MED25: variants seen among roughly 807,000 people sequenced by gnomAD.
MED25 encodes the protein mediator complex subunit 25, also known as mediator of RNA polymerase II transcription subunit 25.
A neutral mutation model predicts 89.4 loss-of-function variants in MED25; 62 were observed. The ratio of observed to expected loss-of-function variants is 0.69; its 90% CI spans 0.57 to 0.86. The LOEUF (loss-of-function observed/expected upper bound fraction) is 0.86. MED25 is among the 40% of genes least tolerant of loss of function. MED25 has a pLI of 0.00. For synonymous variants in MED25, 449 were observed against 427.9 expected (o/e 1.05, Z -0.61); for missense variants, 905 against 1,005.2 (o/e 0.90, Z 1.35).
In MED25 at chr19:49,830,104, C is replaced by G. The variant is rs1042515250; in HGVS notation, c.705C>G (p.Ala235=). 1 of 1,608,118 alleles carries G rather than the reference C, an allele frequency of 6.2e-7. No homozygotes were observed. Among genetic ancestry groups the G allele is most frequent in the Non-Finnish European group, 8.5e-7 (1 of 1,178,358 alleles). ...GLVLPVGGGS[A]PGPLQSKQPV... ...TGCTCTCAGTTGGGGGTGGCTCAGC[C>G]CCAGGCCCCCTCCAGTCAAAGCAGC... Residue 235 remains alanine, a synonymous_variant, in exon 7 of 18, where the codon GCC becomes GCG. Transcript: ENST00000312865. The surrounding 1 kb of genome is among the most constrained non-coding windows in gnomAD (Gnocchi z 4.6).
chr19:49,823,071 C>G lies in MED25; in HGVS notation c.305+3775C>G, dbSNP rs890059325. 4.6e-5 allele frequency among the ~76,000 whole-genome samples: 7 copies of G among 152,216 alleles called. No individual in the cohort carries two copies. In the South Asian group the frequency reaches 1.4e-3, roughly 31 times the overall value. On this transcript the variant is annotated intron_variant, in intron 3 of 17. Coordinates refer to ENST00000312865, the MANE Select transcript of MED25 (RefSeq NM_030973.4). ...TCAAGTGATCCTCCCACCTCAGCCT[C>G]CTGAGTACCTAGGACTGCAGGTGGG...
intron 3 of MED25, among the ~76,000 whole-genome samples, chr19:49,820,847 TC>T (rs764668203): frequency 3.9e-5 from 6 of 152,364 alleles, no homozygotes; most frequent in South Asian, 2.1e-4. Flanking sequence ...TCCTGGCTCT[TC>T]CAGCACAGAA....
intron 3 of MED25, among the ~76,000 whole-genome samples, chr19:49,825,689 G>A (rs1322317364): frequency 6.6e-6 from 1 of 151,936 alleles, no homozygotes; most frequent in Non-Finnish European, 1.5e-5. Flanking sequence ...AAATTAGCTG[G>A]GCGTGGTGCC....
chr19:49,834,147 C>T lies in MED25; in HGVS notation c.1483-839C>T, dbSNP rs1337398125. On this transcript the variant is annotated intron_variant, in intron 13 of 17. Coordinates refer to ENST00000312865, the MANE Select transcript of MED25 (RefSeq NM_030973.4). The surrounding 1 kb of genome is among the most constrained non-coding windows in gnomAD (Gnocchi z 4.1). ...TCCAGAGCAGGCATTCCTTTCACCTCCTATCCCGGACCTAGGCCACTGGGC... is the reference window on the plus strand; with the variant it reads ...TCCAGAGCAGGCATTCCTTTCACCTTCTATCCCGGACCTAGGCCACTGGGC... 6.6e-6 allele frequency: 1 copy of T among 152,284 alleles called. No homozygotes were observed. Among genetic ancestry groups the T allele is most frequent in the African/African-American group, 2.4e-5 (1 of 41,456 alleles). The allele number at this position is 152,284 out of a possible 1,614,324, so 9.4% of individuals were successfully genotyped here. A position where few individuals can be genotyped will look rare whatever the true frequency, so the allele number is the denominator to read the frequency against.
chr19:49,834,728 C>G lies in MED25; in HGVS notation c.1483-258C>G. ...TGGGTCCATGAGGAGCAGGTGGTGGCTGAAGGTTGAAGAGCTGGGCTCCAG... is the reference window on the plus strand; with the variant it reads ...TGGGTCCATGAGGAGCAGGTGGTGGGTGAAGGTTGAAGAGCTGGGCTCCAG... On this transcript the variant is annotated intron_variant, in intron 13 of 17. Coordinates refer to ENST00000312865, the MANE Select transcript of MED25 (RefSeq NM_030973.4). The surrounding 1 kb of genome is among the most constrained non-coding windows in gnomAD (Gnocchi z 4.1). 1.8e-6 allele frequency: 1 copy of G among 551,224 alleles called. No homozygotes were observed. Among genetic ancestry groups the G allele is most frequent in the South Asian group, 2.1e-5 (1 of 48,290 alleles). The allele number at this position is 551,224 out of a possible 1,614,324, so 34.1% of individuals were successfully genotyped here.
At chr19:49,839,723 A>G (rs1289865649), downstream of MED25, 2 of 152,176 alleles carry the variant, frequency 1.3e-5, no homozygotes, top group African/African-American at 4.8e-5. Flanking sequence ...TCCACCGGCA[A>G]GGAAAAAAAA....
At position 49,836,320 on chromosome 19, in the gene MED25, G is replaced by A. The variant is rs1164796439; in HGVS notation, c.2060G>A (p.Gly687Glu). The A allele has an allele frequency of 1.2e-6, 2 of 1,610,802 alleles. No homozygotes were observed. Among genetic ancestry groups the A allele is most frequent in the Admixed American group, 1.7e-5 (1 of 59,830 alleles). Residue 687 changes from glycine (G) to glutamate (E), a missense_variant, in exon 17 of 18, where the codon GGG (glycine) becomes GAG (glutamate). Gly to Glu is a moderately conservative substitution (Grantham distance 98). Transcript: ENST00000312865. The surrounding 1 kb of genome is among the most constrained non-coding windows in gnomAD (Gnocchi z 5.1). ...CTGCCTCCGCCGCACCAGGGCCTGG[G>A]GCAGCCCCAGTTGGGGCCCCCACTC... ...ALLPPPHQGL[G>E]QPQLGPPLLH...
chr19:49,830,040 C>T lies in MED25; in HGVS notation c.689-48C>T. On this transcript the variant is annotated intron_variant, in intron 6 of 17. Transcript: ENST00000312865. This position sits in a 1 kb window ranked among gnomAD's most constrained non-coding sequence, Gnocchi z 4.6. The stretch of plus-strand genomic sequence containing the variant: ...ATTTTGGATTTCTCTCCTTTCTCTG[C>T]ATCTTGAATCCCTTCTCTCTGGGGT... The T allele has an allele frequency of 1.3e-6, 2 of 1,597,866 alleles. No homozygotes were observed. The highest frequency in any genetic ancestry group is 1.7e-6 in the Non-Finnish European group (2 of 1,171,664).
At position 49,835,168 on chromosome 19, in the gene MED25, G is replaced by A. The variant is rs1259581070; in HGVS notation, c.1665G>A (p.Gln555=). Reference sequence around the variant, plus strand: ...TCCAGCAGCAGAAGCTGGAGCAGCAGCAGCGAGGAGTGAGTGTTGACAGTC... The same window carrying A: ...TCCAGCAGCAGAAGCTGGAGCAGCAACAGCGAGGAGTGAGTGTTGACAGTC... ...KQVQQQKLEQ[Q]QRGMGGQQAP... is the part of the protein sequence containing the mutation. The change falls in exon 14 of 18, where the codon CAG becomes CAA. Residue 555 remains glutamine, a synonymous_variant. Transcript: ENST00000312865. The surrounding 1 kb of genome is among the most constrained non-coding windows in gnomAD (Gnocchi z 6.2). The A allele has an allele frequency of 6.2e-7, 1 of 1,613,872 alleles. No homozygotes were observed. Among genetic ancestry groups the A allele is most frequent in the Non-Finnish European group, 8.5e-7 (1 of 1,180,020 alleles).
downstream of MED25, chr19:49,838,533 T>C (rs1189453973): frequency 1.5e-5 from 7 of 456,724 alleles, no homozygotes; most frequent in Admixed American, 1.6e-4. Context: ...TGTGGTAGCA[T>C]TCAGAGGAAA....
At chr19:49,823,865 T>G (rs970461407) in intron 3 of MED25, among the ~76,000 whole-genome samples, 2 of 152,126 alleles carry the variant, frequency 1.3e-5, no homozygotes, top group Non-Finnish European at 2.9e-5. Flanking sequence ...TATTGTAGGA[T>G]GTTTAACATC....
Position 49,835,795 on chromosome 19 carries a change from C to T in MED25, c.1815C>T (p.Pro605=), listed in dbSNP as rs1404881050. Residue 605 remains proline (P), a synonymous_variant, in exon 16 of 18, where the codon CCC becomes CCT. Transcript: ENST00000312865. This position sits in a 1 kb window ranked among gnomAD's most constrained non-coding sequence, Gnocchi z 6.2. The stretch of plus-strand genomic sequence containing the variant: ...GGGCCTCTGGGGCCACGGGGCAGCC[C>T]CAGCCCCAAGGTACTGCCCAGCCCC... The part of the protein sequence containing the change: ...TVGASGATGQ[P]QPQGTAQPPP... The T allele has an allele frequency of 1.2e-6, 2 of 1,607,958 alleles. No homozygotes were observed. The highest frequency in any genetic ancestry group is 1.7e-6 in the Non-Finnish European group (2 of 1,176,280).
Position 49,836,763 on chromosome 19 carries a change from C to A in MED25, c.2147-84C>A. 1 of 1,019,020 alleles carries A rather than the reference C, an allele frequency of 9.8e-7. No homozygotes were observed. Among genetic ancestry groups the A allele is most frequent in the Non-Finnish European group, 1.5e-6 (1 of 656,756 alleles). The allele number at this position is 1,019,020 out of a possible 1,614,324, so 63.1% of individuals were successfully genotyped here. A position where few individuals can be genotyped will look rare whatever the true frequency, so the allele number is the denominator to read the frequency against. On this transcript the variant is annotated intron_variant, in intron 17 of 17. Transcript: ENST00000312865. This position sits in a 1 kb window ranked among gnomAD's most constrained non-coding sequence, Gnocchi z 5.1. The stretch of plus-strand genomic sequence containing the variant: ...GTGCTTCTGTTGGGTCCCCCAAGGG[C>A]TGCCTAGAAAACTTAGTGCCTCTGG...
chr19:49,832,874 C>A, intron 13 of MED25: 1 of 268,354 alleles, frequency 3.7e-6, no homozygotes. Flanking sequence ...GCCGGTAACC[C>A]CAGGCTTCAG....
intron 3 of MED25, chr19:49,819,786 G>A (rs2073969310): frequency 3.9e-6 from 1 of 258,820 alleles, no homozygotes; most frequent in Non-Finnish European, 7.6e-6. Flanking sequence ...AGGGGGATGG[G>A]TCAGAGCCAG....
Position 49,836,881 on chromosome 19 carries a change from G to T in MED25, c.2181G>T (p.Pro727=), listed in dbSNP as rs775431728. 16 of 1,612,380 alleles carry T rather than the reference G, an allele frequency of 9.9e-6. No individual in the cohort carries two copies. The highest frequency in any genetic ancestry group is 1.3e-5 in the Non-Finnish European group (15 of 1,179,682). The stretch of plus-strand genomic sequence containing the variant: ...TGCTGAGCGGGGGTCCCCGGGGCCC[G>T]GTCCCCCAGCCGGGCCTGCAGCCCA... ...QMLLSGGPRG[P]VPQPGLQPSV... is the part of the protein sequence containing the mutation. The change falls in exon 18 of 18, where the codon CCG becomes CCT. Residue 727 remains proline (P), a synonymous_variant. Transcript: ENST00000312865. This position sits in a 1 kb window ranked among gnomAD's most constrained non-coding sequence, Gnocchi z 5.1.
downstream of MED25, chr19:49,838,817 G>A (rs538146419): frequency 6.5e-5 from 29 of 445,408 alleles, no homozygotes; most frequent in Admixed American, 3.6e-4. Context: ...GGACTCAAAT[G>A]TCAATAGGGT....
Position 49,832,032 on chromosome 19 carries a change from G to A in MED25, c.1316+11G>A. On this transcript the variant is annotated intron_variant, in intron 11 of 17. Coordinates refer to ENST00000312865, the MANE Select transcript of MED25 (RefSeq NM_030973.4). ...TCATGGCGAGAACCTGTAGGTGACA[G>A]TCAGGGGCGGGGTGTGGTGGGGCTG... 1.2e-6 allele frequency: 2 copies of A among 1,613,394 alleles called. No homozygotes were observed. Among genetic ancestry groups the A allele is most frequent in the South Asian group, 1.1e-5 (1 of 91,062 alleles).
In MED25 at chr19:49,835,441, C is replaced by T. The variant is rs1443745905; in HGVS notation, c.1675-93C>T. ...CCCCCAAAGAGAATGTCCCCATCTCCTTACTAGTTCCCCTCAGGGCACAGG... is the reference window on the plus strand; with the variant it reads ...CCCCCAAAGAGAATGTCCCCATCTCTTTACTAGTTCCCCTCAGGGCACAGG... On this transcript the variant is annotated intron_variant, in intron 14 of 17. Coordinates refer to ENST00000312865, the MANE Select transcript of MED25 (RefSeq NM_030973.4). This position sits in a 1 kb window ranked among gnomAD's most constrained non-coding sequence, Gnocchi z 6.2. 7.8e-7 allele frequency: 1 copy of T among 1,277,030 alleles called. No individual in the cohort carries two copies. Among genetic ancestry groups the T allele is most frequent in the Non-Finnish European group, 1.1e-6 (1 of 927,694 alleles). 79.1% of individuals were successfully genotyped at this position (1,277,030 alleles called of 1,614,324 possible).
Sources: allele counts gnomAD v4.1 joint callset (sites outside exome capture counted in the v4.1 genomes callset), GRCh38; gene constraint gnomAD v4.1.1; non-coding constraint Gnocchi (gnomAD v3.1); transcripts MANE v1.5; gene names NCBI Gene and HGNC (gene_info 2026-07-23, HGNC 2026-07-21).